ZSCAN5C: variants seen among roughly 807,000 people sequenced by gnomAD.
The protein encoded by ZSCAN5C is zinc finger and SCAN domain containing 5C.
A neutral mutation model predicts 17.3 loss-of-function variants in ZSCAN5C; 11 were observed. The observed-to-expected ratio is 0.64, with a 90% CI of 0.40 to 1.06. The LOEUF (loss-of-function observed/expected upper bound fraction) is 1.06. ZSCAN5C is among the 50% of genes least tolerant of loss of function. The pLI is 0.00. For synonymous variants in ZSCAN5C, 229 were observed against 208.4 expected (o/e 1.10, Z -0.85); for missense variants, 698 against 538.9 (o/e 1.30, Z -2.92).
Position 56,207,106 on chromosome 19 carries a change from T to C in ZSCAN5C, c.432T>C (p.Asp144=), listed in dbSNP as rs1481168899. The C allele has an allele frequency of 5.3e-6, 4 of 752,688 alleles. No homozygotes were observed. The Admixed American group carries it at 5.5e-5, about 10-fold the overall frequency. 46.6% of individuals were successfully genotyped at this position (752,688 alleles called of 1,614,324 possible). Residue 144 remains aspartate (D), a synonymous_variant, in exon 3 of 5, where the codon GAT becomes GAC. Transcript: ENST00000534327. The stretch of plus-strand genomic sequence containing the variant: ...AGGAATATCTTATGCAGGAATCAGA[T>C]GTGGAGATGGCTGAAGCCCCCGCCA...
Position 56,208,576 on chromosome 19 carries a change from A to G in ZSCAN5C, c.867A>G (p.Gly289=), listed in dbSNP as rs554776626. 65 of 1,593,984 alleles carry G rather than the reference A, an allele frequency of 4.1e-5. 1 individual carries two copies. In the Admixed American group the frequency reaches 7.8e-4, roughly 19 times the overall value. ...CTTCGACTCACAGCGGGAGCAGAGG[A>G]GACGCTCTGAATCTGAGAGGTCTCA... The change falls in exon 5 of 5, where the codon GGA becomes GGG. Residue 289 remains glycine (G), a synonymous_variant. Transcript: ENST00000534327.
chr19:56,208,519 C>T (rs1457951306), exon 5 of ZSCAN5C: 1 of 1,577,532 alleles, frequency 6.3e-7, no homozygotes, highest in Non-Finnish European at 8.7e-7. Flanking sequence ...TGGATGCTGA[C>T]ACACCTTCTG....
chr19:56,203,784 G>A (rs1422712094), intron 1 of ZSCAN5C, among the ~76,000 whole-genome samples: 1 of 151,230 alleles, frequency 6.6e-6, no homozygotes, highest in Non-Finnish European at 1.5e-5. Flanking sequence ...CAAGTAGCTG[G>A]GATTACAGGC....
chr19:56,207,177 CTG>C lies in ZSCAN5C; in HGVS notation c.506_507del (p.Val169GlufsTer42), dbSNP rs10575501. On this transcript the variant is annotated frameshift_variant, in exon 3 of 5. Coordinates refer to ENST00000534327, the Ensembl canonical transcript of ZSCAN5C. LOFTEE classifies it high-confidence loss of function. The stretch of plus-strand genomic sequence containing the variant: ...CACGTGTCCAGCCAGCGGACCTCCT[CTG>C]TGAACCAGATGTGTCCGGAGGAAGG... The C allele has an allele frequency of 4.2e-4, 331 of 778,924 alleles. 7 individuals carry two copies. The African/African-American group carries it at 5.2e-3, about 12-fold the overall frequency. 48.3% of individuals were successfully genotyped at this position (778,924 alleles called of 1,614,324 possible).
intron 3 of ZSCAN5C, 61 bp from the exon 4 acceptor site, chr19:56,207,973 C>A: frequency 3.0e-6 from 2 of 669,068 alleles, no homozygotes; most frequent in Non-Finnish European, 2.7e-6. Context: ...CAGGAAAAAG[C>A]AGACATGTCC....
intron 1 of ZSCAN5C, among the ~76,000 whole-genome samples, chr19:56,203,341 A>G (rs1378230181): frequency 1.3e-5 from 2 of 151,980 alleles, no homozygotes; most frequent in Non-Finnish European, 2.9e-5. Flanking sequence ...TTTATGGTGT[A>G]CAGCATAATG....
At chr19:56,209,088 G>T in exon 5 of ZSCAN5C, 1 of 1,594,826 alleles carries the variant, frequency 6.3e-7, no homozygotes, top group East Asian at 2.2e-5. Flanking sequence ...GAGCACCAGC[G>T]CATCCACTCT....
intron 2 of ZSCAN5C, among the ~76,000 whole-genome samples, 192 bp downstream of exon 2, chr19:56,206,489 G>A (rs904664429): frequency 1.1e-4 from 17 of 151,892 alleles, no homozygotes; most frequent in African/African-American, 4.1e-4. Flanking sequence ...GACAGGAGAC[G>A]CTGCTAAGCA....
chr19:56,208,619 G>T (rs558551680), exon 5 of ZSCAN5C: 3 of 1,607,226 alleles, frequency 1.9e-6, no homozygotes, highest in East Asian at 4.5e-5. Context: ...CAAACCAGAC[G>T]CCACCTCCAT....
downstream of ZSCAN5C, chr19:56,209,341 T>G: frequency 2.0e-6 from 1 of 499,926 alleles, no homozygotes; most frequent in Non-Finnish European, 3.5e-6. Context: ...GATGTTTGTT[T>G]AAATCTTTTT....
rs1424893097 is a variant in ZSCAN5C, at chr19:56,208,429, T to C, written c.740-20T>C. The C allele has an allele frequency of 2.4e-6, 3 of 1,264,642 alleles. No individual in the cohort carries two copies. Among genetic ancestry groups the C allele is most frequent in the Non-Finnish European group, 3.4e-6 (3 of 884,520 alleles). 78.3% of individuals were successfully genotyped at this position (1,264,642 alleles called of 1,614,324 possible). On this transcript the variant is annotated intron_variant, in intron 4 of 4. Transcript: ENST00000534327. The stretch of plus-strand genomic sequence containing the variant: ...GAAAATGCACCTTATTAACTGTGTG[T>C]GTGGAATCCCTTCTTCCAGCAGGGG...
In ZSCAN5C at chr19:56,205,781, C is replaced by T; in HGVS notation, c.-127-6C>T. 1.7e-6 allele frequency: 1 copy of T among 582,916 alleles called. No individual in the cohort carries two copies. Among genetic ancestry groups the T allele is most frequent in the Non-Finnish European group, 3.0e-6 (1 of 328,002 alleles). The allele number at this position is 582,916 out of a possible 1,614,324, so 36.1% of individuals were successfully genotyped here. ...TTAACAGAGCTCATGCTTTTTTTCC[C>T]TGCAGACTTCTGAATGAACAGTGAA... is the stretch of plus-strand genomic sequence containing the variant. On this transcript the variant is annotated splice_polypyrimidine_tract_variant and splice_region_variant and intron_variant, in intron 1 of 4. Coordinates refer to ENST00000534327, the Ensembl canonical transcript of ZSCAN5C.
exon 4 of ZSCAN5C, chr19:56,208,076 G>A (rs1273314160): frequency 3.9e-6 from 3 of 762,316 alleles, no homozygotes; most frequent in Non-Finnish European, 7.3e-6. Context: ...CATGAAAGGT[G>A]ACCCAAAGGC....
intron 2 of ZSCAN5C, 57 bp downstream of exon 2, chr19:56,206,354 G>C (rs997095095): frequency 7.1e-7 from 1 of 1,399,672 alleles, no homozygotes; most frequent in Non-Finnish European, 9.6e-7. Context: ...GGGGCTGCAT[G>C]GTGCAGCTGG....
In ZSCAN5C at chr19:56,208,430, G is replaced by A. The variant is rs142713766; in HGVS notation, c.740-19G>A. 71 of 1,270,242 alleles carry A rather than the reference G, an allele frequency of 5.6e-5. No homozygotes were observed. The East Asian group carries it at 1.6e-3, about 29-fold the overall frequency. The allele number at this position is 1,270,242 out of a possible 1,614,324, so 78.7% of individuals were successfully genotyped here. A position where few individuals can be genotyped will look rare whatever the true frequency, so the allele number is the denominator to read the frequency against. On this transcript the variant is annotated intron_variant, in intron 4 of 4. Coordinates refer to ENST00000534327, the Ensembl canonical transcript of ZSCAN5C. Reference sequence around the variant, plus strand: ...AAAATGCACCTTATTAACTGTGTGTGTGGAATCCCTTCTTCCAGCAGGGGT... The same window carrying A: ...AAAATGCACCTTATTAACTGTGTGTATGGAATCCCTTCTTCCAGCAGGGGT...
chr19:56,207,964 AG>A (rs1468778838), intron 3 of ZSCAN5C, 69 bp from the exon 4 acceptor site: 1 of 658,272 alleles, frequency 1.5e-6, no homozygotes, highest in African/African-American at 1.8e-5. Context: ...GCATCCAGTC[AG>A]GAAAAAGCAG....
Position 56,209,193 on chromosome 19 carries a change from C to G in ZSCAN5C, c.1484C>G (p.Ser495Ter). The G allele has an allele frequency of 1.3e-6, 1 of 791,410 alleles. No individual in the cohort carries two copies. The highest frequency in any genetic ancestry group is 2.2e-6 in the Non-Finnish European group (1 of 464,692). 49.0% of individuals were successfully genotyped at this position (791,410 alleles called of 1,614,324 possible). ...CAGAAAACACATCGAGAAGCCACTT[C>G]ACAGTGACTTCACCATCGGGTCTGT... Residue 495 changes from serine to a stop codon, truncating the protein, a stop_gained, in exon 5 of 5, where the codon TCA (serine) becomes TGA (stop). Coordinates refer to ENST00000534327, the Ensembl canonical transcript of ZSCAN5C. LOFTEE classifies it high-confidence loss of function.
Position 56,208,934 on chromosome 19 carries a change from G to A in ZSCAN5C, c.1225G>A (p.Glu409Lys). ...ATTTCACCAGCGAACCCACACTGGC[G>A]AGAGGCCCTACACGTGTGACATCTG... Residue 409 changes from glutamate to lysine, a missense_variant, in exon 5 of 5, where the codon GAG becomes AAG. Physicochemically the swap from Glu to Lys is moderately conservative, Grantham distance 56. Coordinates refer to ENST00000534327, the Ensembl canonical transcript of ZSCAN5C. 2.5e-6 allele frequency: 4 copies of A among 1,613,424 alleles called. No individual in the cohort carries two copies. In the South Asian group the frequency reaches 4.4e-5, roughly 18 times the overall value.
intron 1 of ZSCAN5C, among the ~76,000 whole-genome samples, chr19:56,204,307 C>T (rs998403276): frequency 4.6e-5 from 7 of 150,808 alleles, no homozygotes; most frequent in African/African-American, 1.7e-4. Context: ...TCTCCCATAT[C>T]GGCTGCTCTA....
Sources: allele counts gnomAD v4.1 joint callset (sites outside exome capture counted in the v4.1 genomes callset), GRCh38; gene constraint gnomAD v4.1.1; transcripts MANE v1.5; gene names NCBI Gene and HGNC (gene_info 2026-07-23, HGNC 2026-07-21).